The following ADAMTS17 variants were observed in gnomAD, a reference collection of about 807,000 sequenced individuals.
The protein encoded by ADAMTS17 is A disintegrin and metalloproteinase with thrombospondin motifs 17.
Under a neutral mutation model 141.5 loss-of-function variants are expected in ADAMTS17, and 113 were observed. That is an observed-to-expected ratio of 0.80 (90% CI 0.69 to 0.93). The LOEUF is 0.93. Among genes scored for constraint, ADAMTS17 ranks in the 40% least tolerant of loss-of-function variants. The pLI is 0.00. For synonymous variants in ADAMTS17, 768 were observed against 630.6 expected (o/e 1.22, Z -3.27); for missense variants, 1,659 against 1,517.9 (o/e 1.09, Z -1.54).
chr15:100,186,090 A>G (rs909796973), intron 8 of ADAMTS17, among the ~76,000 whole-genome samples: 1 of 152,170 alleles, frequency 6.6e-6, no homozygotes, highest in Admixed American at 6.5e-5. Flanking sequence ...GTTGCGATTC[A>G]GTGGAGAAGG....
intron 7 of ADAMTS17, among the ~76,000 whole-genome samples, chr15:100,217,518 G>T (rs1005218660): frequency 6.6e-6 from 1 of 152,120 alleles, no homozygotes; most frequent in Non-Finnish European, 1.5e-5. Context: ...AGAATCGCTT[G>T]AATCCGGGAG....
At chr15:100,162,098 G>A (rs780393817) in intron 8 of ADAMTS17, among the ~76,000 whole-genome samples, 2 of 152,160 alleles carry the variant, frequency 1.3e-5, no homozygotes, top group Non-Finnish European at 2.9e-5. Context: ...TTGGTGTTCA[G>A]TGTATTTTTC....
In ADAMTS17 at chr15:100,262,442, A is replaced by T; in HGVS notation, c.790-7T>A. 1 of 1,610,170 alleles carries T rather than the reference A, an allele frequency of 6.2e-7. No individual in the cohort carries two copies. On this transcript the variant is annotated splice_polypyrimidine_tract_variant and splice_region_variant and intron_variant, in intron 4 of 21. Coordinates refer to ENST00000268070, the MANE Select transcript of ADAMTS17 (RefSeq NM_139057.4). ...GCTGAAACATATTGTATACCTATCA[A>T]GACAGAAAAAAGAAATAAAGATATA...
chr15:99,978,293 G>C (rs1463192882), intron 20 of ADAMTS17, among the ~76,000 whole-genome samples: 1 of 152,340 alleles, frequency 6.6e-6, no homozygotes, highest in African/African-American at 2.4e-5. Context: ...AGCAGGTTCA[G>C]GTTTTGTGTG....
At chr15:100,113,161 T>C (rs539598016) in intron 13 of ADAMTS17, among the ~76,000 whole-genome samples, 11 of 152,272 alleles carry the variant, frequency 7.2e-5, no homozygotes, top group East Asian at 3.9e-4. Context: ...CACCTGCCCA[T>C]AGCTGGCCCA....
chr15:100,259,267 C>T (rs955340382), intron 6 of ADAMTS17, among the ~76,000 whole-genome samples: 4 of 152,250 alleles, frequency 2.6e-5, no homozygotes, highest in African/African-American at 9.6e-5. Flanking sequence ...TGATCATGCA[C>T]AGACACGGTT....
intron 7 of ADAMTS17, among the ~76,000 whole-genome samples, chr15:100,213,659 G>A (rs377199364): frequency 1.3e-4 from 20 of 152,348 alleles, no homozygotes; most frequent in African/African-American, 4.3e-4. Context: ...GACCTGAGAC[G>A]CAAAGCAAAA....
chr15:100,279,061 T>C (rs11247178), intron 4 of ADAMTS17, among the ~76,000 whole-genome samples: 60,107 of 151,952 alleles, frequency 0.4, 12,452 homozygotes, highest in South Asian at 0.59. Flanking sequence ...GAGATCCCAG[T>C]GGGAACGGTG....
intron 2 of ADAMTS17, among the ~76,000 whole-genome samples, chr15:100,337,399 C>A (rs1292474720): frequency 6.6e-6 from 1 of 152,238 alleles, no homozygotes; most frequent in East Asian, 1.9e-4. Context: ...AAATAAGAGT[C>A]CTACAGCATG....
At position 99,974,275 on chromosome 15, in the gene ADAMTS17, G is replaced by C; in HGVS notation, c.*127C>G. ...CACTAATGGCAAACGCCAAGTCCAC[G>C]CTCATGTTCTATGTAGTTGGATTCT... On this transcript the variant is annotated 3_prime_UTR_variant, in exon 22 of 22. Transcript: ENST00000268070. The C allele has an allele frequency of 8.0e-7, 1 of 1,248,178 alleles. No individual in the cohort carries two copies. Among genetic ancestry groups the C allele is most frequent in the South Asian group, 1.2e-5 (1 of 82,154 alleles). The allele number at this position is 1,248,178 out of a possible 1,614,324, so 77.3% of individuals were successfully genotyped here. A position where few individuals can be genotyped will look rare whatever the true frequency, so the allele number is the denominator to read the frequency against.
At chr15:100,050,425 A>G (rs899557294) in intron 17 of ADAMTS17, among the ~76,000 whole-genome samples, 15 of 152,268 alleles carry the variant, frequency 9.9e-5, no homozygotes, top group Admixed American at 6.5e-5. Flanking sequence ...GAGGGGGAGA[A>G]GGCCCCCCGG....
chr15:100,208,855 G>T (rs1190270292), intron 7 of ADAMTS17, among the ~76,000 whole-genome samples: 1 of 152,204 alleles, frequency 6.6e-6, no homozygotes, highest in East Asian at 1.9e-4. Flanking sequence ...GTCATGAGTT[G>T]ATGAAGCTAT....
At chr15:100,328,354 G>T (rs2045953521) in intron 3 of ADAMTS17, among the ~76,000 whole-genome samples, 1 of 152,116 alleles carries the variant, frequency 6.6e-6, no homozygotes, top group African/African-American at 2.4e-5. Context: ...TCATTCTCAG[G>T]ACAGCCACAT....
At chr15:100,100,828 A>G (rs2036052160) in intron 14 of ADAMTS17, among the ~76,000 whole-genome samples, 1 of 152,102 alleles carries the variant, frequency 6.6e-6, no homozygotes, top group South Asian at 2.1e-4. Flanking sequence ...ATATGAATTT[A>G]AGACCCTCCA....
chr15:100,205,905 ACCGAGC>A (rs2041532280), intron 7 of ADAMTS17, among the ~76,000 whole-genome samples: 1 of 152,142 alleles, frequency 6.6e-6, no homozygotes, highest in Admixed American at 6.5e-5. Flanking sequence ...TGTGCCAGGG[ACCGAGC>A]CCAGGTCTGG....
rs143250819 is a variant in ADAMTS17 at position 100,246,867 on chromosome 15, T to TTTTTTTTA, written c.1075+7268_1075+7269insTAAAAAAA. On this transcript the variant is annotated intron_variant, in intron 7 of 21. Coordinates refer to ENST00000268070, the MANE Select transcript of ADAMTS17 (RefSeq NM_139057.4). Reference sequence around the variant, plus strand: ...CTGTTCAAGTGGTTTGCCCTTTTATTTTTATTTATTTATTTATTTATTTAT... The same window carrying TTTTTTTTA: ...CTGTTCAAGTGGTTTGCCCTTTTATTTTTTTTTATTTATTTATTTATTTATTTATTTAT... Among the ~76,000 whole-genome samples the TTTTTTTTA allele has an allele frequency of 3.4e-3, 504 of 146,586 alleles. 3 individuals carry two copies. The highest frequency in any genetic ancestry group is 0.012 in the African/African-American group (473 of 39,892).
At chr15:100,063,885 C>T in intron 15 of ADAMTS17, 2 of 564,398 alleles carry the variant, frequency 3.5e-6, no homozygotes, top group Non-Finnish European at 5.9e-6. Context: ...AGGGCTGGCG[C>T]AGAAGAAGGA....
intron 18 of ADAMTS17, among the ~76,000 whole-genome samples, chr15:100,044,481 T>C (rs1182495390): frequency 6.6e-6 from 1 of 152,246 alleles, no homozygotes; most frequent in African/African-American, 2.4e-5. Flanking sequence ...AGATATTGTA[T>C]TTATTTTTTA....
chr15:100,278,564 A>T (rs930793966), intron 4 of ADAMTS17, among the ~76,000 whole-genome samples: 1 of 152,116 alleles, frequency 6.6e-6, no homozygotes, highest in Non-Finnish European at 1.5e-5. Flanking sequence ...GCGGCTCGAC[A>T]TGAGGCCTCT....
Sources: gnomAD v4.1 joint callset for allele counts (sites outside exome capture counted in the v4.1 genomes callset) on GRCh38, gnomAD v4.1.1 for gene constraint, MANE v1.5 for transcripts, NCBI Gene and HGNC (gene_info 2026-07-23, HGNC 2026-07-21) for gene names.